The following DNM3 variants were observed in gnomAD, a reference collection of about 807,000 sequenced individuals.
DNM3 encodes the protein dynamin-3.
Under a neutral mutation model 101.6 loss-of-function variants are expected in DNM3, and 47 were observed. That is an observed-to-expected ratio of 0.46 (90% CI 0.37 to 0.59). DNM3 has a LOEUF of 0.59. Ranked by LOEUF, DNM3 falls within the 20% of genes least tolerant of loss-of-function variation. The probability of loss-of-function intolerance (pLI) is 0.00; values close to 1 mark genes in which losing one functional copy is unlikely to be tolerated. For missense variants in DNM3, 849 were observed against 1,085.7 expected (o/e 0.78, Z 3.06); for synonymous variants, 385 against 387.9 (o/e 0.99, Z 0.09).
At chr1:172,241,582 T>C (rs532886104) in intron 14 of DNM3, among the ~76,000 whole-genome samples, 96 of 152,214 alleles carry the variant, frequency 6.3e-4, no homozygotes, top group Admixed American at 1.6e-3. Flanking sequence ...CTGAGAATCA[T>C]TGGGAGGGCA....
intron 14 of DNM3, among the ~76,000 whole-genome samples, chr1:172,173,863 G>A (rs1460005202): frequency 6.6e-6 from 1 of 151,488 alleles, no homozygotes; most frequent in Non-Finnish European, 1.5e-5. Flanking sequence ...ATCCCTAACT[G>A]GAGATCTCTG....
rs571620359 is a variant in DNM3, at chr1:172,139,237, G to C, written c.1659+7949G>C. On this transcript the variant is annotated intron_variant, in intron 14 of 20. Coordinates refer to ENST00000627582, the MANE Select transcript of DNM3 (RefSeq NM_015569.5). ...CATGTAGTCAGAGTTCAGCGTAATTGAACCAGATGTTTTTCCTCTTTGCAA... is the reference window on the plus strand; with the variant it reads ...CATGTAGTCAGAGTTCAGCGTAATTCAACCAGATGTTTTTCCTCTTTGCAA... The C allele has an allele frequency of 2.4e-5, 5 of 207,386 alleles. No homozygotes were observed. In the South Asian group the frequency reaches 3.1e-4, roughly 13 times the overall value. The allele number at this position is 207,386 out of a possible 1,614,324, so 12.8% of individuals were successfully genotyped here.
intron 4 of DNM3, among the ~76,000 whole-genome samples, chr1:171,990,376 T>C (rs2045556542): frequency 6.6e-6 from 1 of 152,062 alleles, no homozygotes; most frequent in South Asian, 2.1e-4. Flanking sequence ...GTGCTGAGAG[T>C]TGACCATTTT....
At chr1:172,374,137 T>C (rs542256709) in intron 17 of DNM3, among the ~76,000 whole-genome samples, 1 of 152,010 alleles carries the variant, frequency 6.6e-6, no homozygotes, top group Non-Finnish European at 1.5e-5. Context: ...AACAAGAAAT[T>C]TGCAACAGCT....
At chr1:172,145,695 C>T (rs1469043837) in intron 14 of DNM3, among the ~76,000 whole-genome samples, 2 of 152,140 alleles carry the variant, frequency 1.3e-5, no homozygotes, top group East Asian at 1.9e-4. Context: ...TACGAAACAA[C>T]GACTCAGGTC....
At chr1:172,217,144 G>A (rs767599603) in intron 14 of DNM3, among the ~76,000 whole-genome samples, 1 of 152,102 alleles carries the variant, frequency 6.6e-6, no homozygotes, top group Non-Finnish European at 1.5e-5. Flanking sequence ...GCCACATAGT[G>A]GCATTTAAGA....
At chr1:172,087,837 A>G (rs957461583) in intron 12 of DNM3, among the ~76,000 whole-genome samples, 1 of 152,138 alleles carries the variant, frequency 6.6e-6, no homozygotes. Flanking sequence ...TGTAATTTCC[A>G]AGGCTCTCTA....
At chr1:171,980,842 C>CT (rs1161018959) in intron 2 of DNM3, among the ~76,000 whole-genome samples, 3 of 145,462 alleles carry the variant, frequency 2.1e-5, no homozygotes, top group Non-Finnish European at 4.5e-5. Flanking sequence ...ATGATCTAGG[C>CT]TCACTGCAAC....
intron 2 of DNM3, 98 bp downstream of exon 2, chr1:171,921,919 T>A: frequency 1.9e-6 from 2 of 1,058,774 alleles, no homozygotes. Context: ...GTTTTTGTGA[T>A]CGCCCCACTG....
At chr1:172,319,696 C>T (rs2065596029) in intron 16 of DNM3, among the ~76,000 whole-genome samples, 5 of 152,212 alleles carry the variant, frequency 3.3e-5, no homozygotes, top group Admixed American at 3.3e-4. Flanking sequence ...CATCTCACAC[C>T]AGTTAGAATG....
intron 17 of DNM3, among the ~76,000 whole-genome samples, chr1:172,371,796 A>G (rs1009953212): frequency 1.3e-5 from 2 of 151,646 alleles, no homozygotes; most frequent in South Asian, 4.1e-4. Flanking sequence ...AAGTGGATTG[A>G]GCATTCAGGG....
chr1:172,008,018 T>C (rs1247663775), intron 4 of DNM3, among the ~76,000 whole-genome samples: 1 of 152,132 alleles, frequency 6.6e-6, no homozygotes, highest in Non-Finnish European at 1.5e-5. Context: ...GAGAAACATC[T>C]ATTCGGGTCT....
At chr1:171,931,003 GAAGGT>G (rs1434427438) in intron 2 of DNM3, among the ~76,000 whole-genome samples, 1 of 152,172 alleles carries the variant, frequency 6.6e-6, no homozygotes. Flanking sequence ...TGGCGCATAA[GAAGGT>G]AAGGCCAGGC....
At chr1:172,087,710 A>T (rs1367940848) in intron 12 of DNM3, among the ~76,000 whole-genome samples, 1 of 152,126 alleles carries the variant, frequency 6.6e-6, no homozygotes, top group Admixed American at 6.5e-5. Context: ...TGCCACTACT[A>T]AAGTTAGTCT....
intron 16 of DNM3, among the ~76,000 whole-genome samples, chr1:172,313,151 A>G (rs189560613): frequency 1.3e-5 from 2 of 152,350 alleles, no homozygotes; most frequent in East Asian, 3.9e-4. Context: ...TTCTATGGTC[A>G]CTAAATTGAA....
chr1:172,307,433 A>C (rs2064882516), intron 15 of DNM3, among the ~76,000 whole-genome samples: 1 of 152,222 alleles, frequency 6.6e-6, no homozygotes, highest in Admixed American at 6.5e-5. Flanking sequence ...GTGGGAGTGT[A>C]AACTAGTTCA....
intron 6 of DNM3, among the ~76,000 whole-genome samples, chr1:172,036,796 G>A (rs1252356671): frequency 2.0e-5 from 3 of 152,018 alleles, no homozygotes; most frequent in South Asian, 2.1e-4. Context: ...TTGACAAATG[G>A]GATCTAATTA....
Position 172,411,845 on chromosome 1 carries a change from G to A in DNM3, c.*4004G>A, listed in dbSNP as rs908095141. The A allele has an allele frequency of 1.8e-5, 18 of 985,584 alleles. No individual in the cohort carries two copies. The highest frequency in any genetic ancestry group is 1.4e-4 in the South Asian group (3 of 21,290). 61.1% of individuals were successfully genotyped at this position (985,584 alleles called of 1,614,324 possible). On this transcript the variant is annotated 3_prime_UTR_variant, in exon 21 of 21. Transcript: ENST00000627582. ...ACTAGCTGTGAGCTCAGAGTTTAAT[G>A]TAAATGAATCTAGATGATTTTGAAG...
At chr1:172,302,378 T>G (rs938585048) in intron 15 of DNM3, among the ~76,000 whole-genome samples, 13 of 152,184 alleles carry the variant, frequency 8.5e-5, no homozygotes, top group Non-Finnish European at 1.9e-4. Flanking sequence ...AAGCTTGAAG[T>G]GGGCGCAGCC....
Sources: gnomAD v4.1 joint callset for allele counts (sites outside exome capture counted in the v4.1 genomes callset) on GRCh38, gnomAD v4.1.1 for gene constraint, MANE v1.5 for transcripts, NCBI Gene and HGNC (gene_info 2026-07-23, HGNC 2026-07-21) for gene names.